SYNE1: variants seen among roughly 807,000 people sequenced by gnomAD.
SYNE1 encodes nesprin-1.
A neutral mutation model predicts 1,111.0 loss-of-function variants in SYNE1; 616 were observed. The observed-to-expected ratio is 0.55, with a 90% CI of 0.52 to 0.59. SYNE1 has a LOEUF of 0.59. SYNE1 is among the 20% of genes least tolerant of loss of function. The pLI is 0.00. For synonymous variants in SYNE1, 3,855 were observed against 3,825.8 expected, an observed-to-expected ratio of 1.01 and a Z score of -0.28; for missense variants, 10,006 against 10,417.0, an observed-to-expected ratio of 0.96 and a Z score of 1.72.
rs1346222462 is a variant in SYNE1 at position 152,428,302 on chromosome 6, G to C, written c.4879C>G (p.Gln1627Glu). 4 of 1,614,164 alleles carry C rather than the reference G, an allele frequency of 2.5e-6. No homozygotes were observed. The East Asian group carries it at 6.7e-5, about 27-fold the overall frequency. ...RKVVNRDSCV[Q>E]EAAALQQQYE... ...TGCTGCTGTAGAGCCGCAGCCTCCT[G>C]AACACAGGAATCTCTGTTCACAACC... is the stretch of plus-strand genomic sequence containing the variant. Residue 1627 changes from glutamine (Q) to glutamate (E), a missense_variant, in exon 37 of 146, where the codon CAG becomes GAG. Gln to Glu is a conservative substitution (Grantham distance 29). Around this residue, in one of 7 missense-constraint regions of SYNE1, gnomAD observed 1,971 missense variants for 2,084.1 expected, o/e 0.95. Transcript: ENST00000367255.
chr6:152,134,671 ACT>A, intron 142 of SYNE1: 1 of 225,016 alleles, frequency 4.4e-6, no homozygotes. Flanking sequence ...ACAGAGTGAG[ACT>A]CTGTCTCAAA....
intron 3 of SYNE1, among the ~76,000 whole-genome samples, chr6:152,564,364 A>G (rs940609873): frequency 7.9e-5 from 12 of 152,192 alleles, no homozygotes; most frequent in African/African-American, 2.7e-4. Context: ...TCACCCAGAC[A>G]GGAGCGCAGT....
chr6:152,378,780 G>T (rs2097341002), intron 56 of SYNE1, among the ~76,000 whole-genome samples: 1 of 152,130 alleles, frequency 6.6e-6, no homozygotes, highest in Non-Finnish European at 1.5e-5. Context: ...CTCATCTGAG[G>T]ATACACAGGA....
intron 15 of SYNE1, 151 bp downstream of exon 15, chr6:152,472,150 A>T: frequency 1.5e-6 from 1 of 669,926 alleles, no homozygotes; most frequent in Non-Finnish European, 2.6e-6. Flanking sequence ...GAATGGTGGC[A>T]TTCTTAGCAT....
chr6:152,608,584 C>T (rs1359654653), intron 3 of SYNE1, among the ~76,000 whole-genome samples: 1 of 152,210 alleles, frequency 6.6e-6, no homozygotes, highest in Non-Finnish European at 1.5e-5. Flanking sequence ...TTTGCCTTAA[C>T]TAAATGCTTG....
intron 78 of SYNE1, among the ~76,000 whole-genome samples, chr6:152,329,306 G>A (rs927850004): frequency 3.3e-5 from 5 of 152,148 alleles, no homozygotes; most frequent in African/African-American, 9.7e-5. Context: ...CAGGCAGATC[G>A]TTTGACGTCA....
intron 92 of SYNE1, 139 bp downstream of exon 92, chr6:152,301,730 G>C: frequency 1.1e-6 from 1 of 913,774 alleles, no homozygotes; most frequent in Non-Finnish European, 1.6e-6. Flanking sequence ...TAGTCAAAGA[G>C]ACTTAAGGAA....
chr6:152,430,060 A>G, intron 36 of SYNE1, 52 bp downstream of exon 36: 5 of 1,268,968 alleles, frequency 3.9e-6, no homozygotes, highest in Non-Finnish European at 5.6e-6. Context: ...TCAAGTGGGA[A>G]TTATCAAATT....
At chr6:152,333,642 TA>T (rs1397951148) in intron 77 of SYNE1, among the ~76,000 whole-genome samples, 1 of 152,138 alleles carries the variant, frequency 6.6e-6, no homozygotes, top group African/African-American at 2.4e-5. Flanking sequence ...CATTTTATTT[TA>T]TTTTTTTGAG....
At chr6:152,426,378 G>A (rs74502584) in intron 38 of SYNE1, among the ~76,000 whole-genome samples, 3 of 152,310 alleles carry the variant, frequency 2.0e-5, no homozygotes, top group South Asian at 2.1e-4. Context: ...GCAGAACTGC[G>A]ACTTATGCTG....
chr6:152,585,025 G>A (rs754010916), intron 3 of SYNE1, among the ~76,000 whole-genome samples: 3 of 152,112 alleles, frequency 2.0e-5, no homozygotes, highest in Non-Finnish European at 2.9e-5. Context: ...GTCATGAGAG[G>A]GACCCGGTGG....
At chr6:152,520,638 A>G in intron 5 of SYNE1, 96 bp from the exon 6 acceptor site, 2 of 1,395,980 alleles carry the variant, frequency 1.4e-6, no homozygotes, top group Non-Finnish European at 2.0e-6. Context: ...ATATACTTGA[A>G]GAATATTCAA....
At chr6:152,485,831 G>A (rs1017901583) in intron 12 of SYNE1, among the ~76,000 whole-genome samples, 1 of 152,094 alleles carries the variant, frequency 6.6e-6, no homozygotes, top group Non-Finnish European at 1.5e-5. Context: ...GAACACTGGG[G>A]GGAGATAGTG....
At chr6:152,431,189 T>C (rs525210) in intron 34 of SYNE1, among the ~76,000 whole-genome samples, 78,273 of 152,128 alleles carry the variant, frequency 0.51, 22,277 homozygotes, top group African/African-American at 0.75. Context: ...TACCTAAAAG[T>C]AGTTTTCCTT....
At chr6:152,300,869 T>TTTGTTGTTGATTA in intron 92 of SYNE1, 88 bp from the exon 93 acceptor site, 1 of 1,592,990 alleles carries the variant, frequency 6.3e-7, no homozygotes, top group Non-Finnish European at 8.6e-7. Flanking sequence ...AAAACAGAGT[T>TTTGTTGTTGATTA]AATTATAAAA....
chr6:152,147,643 A>G (rs1586176210), intron 137 of SYNE1: 6 of 253,696 alleles, frequency 2.4e-5, no homozygotes, highest in South Asian at 2.3e-4. Context: ...ACTCTGCTCC[A>G]TGGTTTCTTT....
chr6:152,607,568 T>C (rs561209649), intron 3 of SYNE1, among the ~76,000 whole-genome samples: 2 of 152,138 alleles, frequency 1.3e-5, no homozygotes, highest in East Asian at 1.9e-4. Flanking sequence ...TGTGGAGAAA[T>C]AGGAACGCTT....
At chr6:152,159,363 T>A (rs1422358913) in intron 131 of SYNE1, among the ~76,000 whole-genome samples, 1 of 152,184 alleles carries the variant, frequency 6.6e-6, no homozygotes, top group South Asian at 2.1e-4. Flanking sequence ...CCAGATCACA[T>A]GGGAATGTAG....
chr6:152,296,427 C>T (rs2094886157), intron 93 of SYNE1, among the ~76,000 whole-genome samples: 1 of 152,212 alleles, frequency 6.6e-6, no homozygotes, highest in African/African-American at 2.4e-5. Context: ...TAGGAAAAAA[C>T]AATGAAGTAT....
Sources: gnomAD v4.1 joint callset for allele counts (sites outside exome capture counted in the v4.1 genomes callset) on GRCh38, gnomAD v4.1.1 for gene constraint, gnomAD v4.1.1 regional missense constraint, MANE v1.5 for transcripts, NCBI Gene and HGNC (gene_info 2026-07-23, HGNC 2026-07-21) for gene names.